TMEM164: variants seen among roughly 807,000 people sequenced by gnomAD.
TMEM164 encodes RP13-360B22.2.
A neutral mutation model predicts 18.8 loss-of-function variants in TMEM164; 4 were observed. That is an observed-to-expected ratio of 0.21 (90% CI 0.10 to 0.49). TMEM164 has a LOEUF of 0.49. Ranked by LOEUF, TMEM164 falls within the 20% of genes least tolerant of loss-of-function variation. The pLI is 0.98. For synonymous variants in TMEM164, 86 were observed against 101.7 expected (o/e 0.85, Z 0.93); for missense variants, 108 against 239.9 (o/e 0.45, Z 3.63).
chrX:110,176,045 C>T lies in TMEM164; in HGVS notation c.*2594C>T. ...CTTCCCAGCTCCTCCTCAGGGCTTTCCTGTCAGTGCCAAGCCAGTTCCCCA... is the reference window on the plus strand; with the variant it reads ...CTTCCCAGCTCCTCCTCAGGGCTTTTCTGTCAGTGCCAAGCCAGTTCCCCA... On this transcript the variant is annotated 3_prime_UTR_variant, in exon 7 of 7. Coordinates refer to ENST00000372068, the MANE Select transcript of TMEM164 (RefSeq NM_032227.4). 1.3e-6 allele frequency: 1 copy of T among 756,856 alleles called. No homozygotes were observed. 62.4% of individuals were successfully genotyped at this position (756,856 alleles called of 1,213,427 possible).
At position 110,086,690 on chromosome X, in the gene TMEM164, A is replaced by G. The variant is rs747754246; in HGVS notation, c.440+19294A>G. On this transcript the variant is annotated intron_variant, in intron 3 of 6. Coordinates refer to ENST00000372068, the MANE Select transcript of TMEM164 (RefSeq NM_032227.4). Reference sequence around the variant, plus strand: ...TGTGTATATATGTGTGTGTGTGTGTATATATATAAAATCATGCCAATAAAG... The same window carrying G: ...TGTGTATATATGTGTGTGTGTGTGTGTATATATAAAATCATGCCAATAAAG... Among the ~76,000 whole-genome samples, 452 of 87,155 alleles carry G rather than the reference A, an allele frequency of 5.2e-3. 5 individuals carry two copies. The highest frequency in any genetic ancestry group is 0.016 in the African/African-American group (428 of 26,616). The allele number at this position is 87,155 out of a possible 115,157, so 75.7% of individuals were successfully genotyped here. A position where few individuals can be genotyped will look rare whatever the true frequency, so the allele number is the denominator to read the frequency against.
intron 4 of TMEM164, among the ~76,000 whole-genome samples, chrX:110,122,850 C>G (rs1352988034): frequency 1.8e-5 from 2 of 112,117 alleles, no homozygotes; most frequent in African/African-American, 6.5e-5. Flanking sequence ...AGCATTTTCT[C>G]CCATTCTGTG....
intron 3 of TMEM164, among the ~76,000 whole-genome samples, chrX:110,102,203 G>A (rs1232248144): frequency 9.3e-6 from 1 of 107,721 alleles, no homozygotes; most frequent in African/African-American, 3.4e-5. Flanking sequence ...ACCAAAAACT[G>A]GGCATAGTGG....
chrX:110,026,337 G>T lies in TMEM164; in HGVS notation c.390+22173G>T, dbSNP rs773884808. Among the ~76,000 whole-genome samples the T allele has an allele frequency of 3.6e-5, 4 of 111,867 alleles. No homozygotes were observed. In the East Asian group the frequency reaches 1.1e-3, roughly 31 times the overall value. ...GGGGCGGAAATCTCCAGAGAAAAGGGCGTGTTCCTCTACTAATTACTCTGT... is the reference window on the plus strand; with the variant it reads ...GGGGCGGAAATCTCCAGAGAAAAGGTCGTGTTCCTCTACTAATTACTCTGT... On this transcript the variant is annotated intron_variant, in intron 2 of 6. Transcript: ENST00000372068.
intron 2 of TMEM164, among the ~76,000 whole-genome samples, chrX:110,062,924 G>A (rs1361998359): frequency 9.0e-6 from 1 of 111,642 alleles, no homozygotes; most frequent in Non-Finnish European, 1.9e-5. Context: ...GTGCCTGGAG[G>A]CAGGAGACCA....
At chrX:110,044,155 A>C (rs1935212294) in intron 2 of TMEM164, among the ~76,000 whole-genome samples, 2 of 112,544 alleles carry the variant, frequency 1.8e-5, no homozygotes, top group Admixed American at 1.9e-4. Context: ...ATCCATGAGC[A>C]CTGGGAAGAG....
chrX:110,116,442 G>A (rs1037513217), intron 4 of TMEM164, among the ~76,000 whole-genome samples: 1 of 111,833 alleles, frequency 8.9e-6, no homozygotes, highest in Non-Finnish European at 1.9e-5. Context: ...TGGTTAGAAT[G>A]TGCATGCAAA....
At chrX:110,143,804 G>GGGGT (rs1168800369) in intron 4 of TMEM164, among the ~76,000 whole-genome samples, 246 of 103,070 alleles carry the variant, frequency 2.4e-3, no homozygotes, top group African/African-American at 8.5e-3. Context: ...CATACTTTGG[G>GGGGT]GTGTGTGTGT....
intron 5 of TMEM164, among the ~76,000 whole-genome samples, chrX:110,149,846 T>G (rs1047710410): frequency 3.6e-5 from 4 of 111,999 alleles, no homozygotes; most frequent in Non-Finnish European, 7.5e-5. Context: ...TCGTGCCAAG[T>G]AGCAGCATCC....
chrX:110,132,062 A>G (rs937009844), intron 4 of TMEM164, among the ~76,000 whole-genome samples: 2 of 111,592 alleles, frequency 1.8e-5, no homozygotes, highest in East Asian at 5.6e-4. Flanking sequence ...GGTTAAGATG[A>G]TGGGTTCTTG....
At chrX:110,079,039 A>G (rs1395161778) in intron 3 of TMEM164, among the ~76,000 whole-genome samples, 6 of 111,748 alleles carry the variant, frequency 5.4e-5, no homozygotes. Context: ...CTGTCAATGT[A>G]TTCTTTTTTA....
At chrX:110,072,907 G>A (rs2065616897) in intron 3 of TMEM164, among the ~76,000 whole-genome samples, 1 of 110,038 alleles carries the variant, frequency 9.1e-6, no homozygotes, top group Non-Finnish European at 1.9e-5. Flanking sequence ...GCACGATGCT[G>A]AGGTTTGGGA....
chrX:110,141,678 T>C (rs924558565), intron 4 of TMEM164, among the ~76,000 whole-genome samples: 2 of 112,075 alleles, frequency 1.8e-5, no homozygotes, highest in Admixed American at 1.9e-4. Flanking sequence ...AAGATTTGGG[T>C]GGGGTCACAG....
intron 3 of TMEM164, among the ~76,000 whole-genome samples, chrX:110,091,972 T>A (rs1305356424): frequency 8.9e-6 from 1 of 112,164 alleles, no homozygotes; most frequent in East Asian, 2.8e-4. Flanking sequence ...GGTAATCCTT[T>A]CCCCATTTCT....
rs189409940 is a variant in TMEM164 at position 110,119,711 on chromosome X, G to A, written c.507+10565G>A. Among the ~76,000 whole-genome samples, 189 of 111,324 alleles carry A rather than the reference G, an allele frequency of 1.7e-3. 4 individuals are homozygous for A. In the East Asian group the frequency reaches 0.041, roughly 24 times the overall value. ...TCTGTAAAATGGTGCTTGGTTGAACGGAGATGATGTGTGGTAAGCACTTAG... is the reference window on the plus strand; with the variant it reads ...TCTGTAAAATGGTGCTTGGTTGAACAGAGATGATGTGTGGTAAGCACTTAG... On this transcript the variant is annotated intron_variant, in intron 4 of 6. Transcript: ENST00000372068.
chrX:110,038,243 G>A (rs1006578862), intron 2 of TMEM164, among the ~76,000 whole-genome samples: 2 of 110,646 alleles, frequency 1.8e-5, no homozygotes, highest in African/African-American at 6.6e-5. Flanking sequence ...CGCCCGCCTC[G>A]GCCTCCCAAA....
chrX:110,112,566 T>C (rs748104892), intron 4 of TMEM164, among the ~76,000 whole-genome samples: 2 of 112,332 alleles, frequency 1.8e-5, no homozygotes, highest in Admixed American at 1.9e-4. Flanking sequence ...CTGCTGATTC[T>C]TGAGTGCTTA....
chrX:110,097,166 T>G (rs1483193686), intron 3 of TMEM164, among the ~76,000 whole-genome samples: 2 of 111,693 alleles, frequency 1.8e-5, no homozygotes, highest in African/African-American at 6.5e-5. Context: ...GAGATGGGAT[T>G]TCATCATGTT....
intron 2 of TMEM164, among the ~76,000 whole-genome samples, chrX:110,023,437 G>C (rs769953065): frequency 1.5e-3 from 163 of 110,946 alleles, no homozygotes; most frequent in Non-Finnish European, 2.5e-3. Flanking sequence ...CTAGCATCAG[G>C]CTGGTTCTTT....
Sources: allele counts gnomAD v4.1 joint callset (sites outside exome capture counted in the v4.1 genomes callset), GRCh38; gene constraint gnomAD v4.1.1; transcripts MANE v1.5; gene names NCBI Gene and HGNC (gene_info 2026-07-23, HGNC 2026-07-21).